Variants in SLIT3 observed in about 807,000 individuals in gnomAD.
The protein encoded by SLIT3 is slit homolog 3 protein.
A neutral mutation model predicts 184.0 loss-of-function variants in SLIT3; 68 were observed. The ratio of observed to expected loss-of-function variants is 0.37; its 90% CI spans 0.30 to 0.45. The LOEUF is 0.45. Among genes scored for constraint, SLIT3 ranks in the 20% least tolerant of loss-of-function variants. The probability of loss-of-function intolerance (pLI) is 1.00; values close to 1 mark genes in which losing one functional copy is unlikely to be tolerated. For missense variants in SLIT3, 1,707 were observed against 2,026.0 expected (o/e 0.84, Z 3.02); for synonymous variants, 831 against 828.6 (o/e 1.00, Z -0.05).
chr5:168,795,576 C>T lies in SLIT3; in HGVS notation c.938G>A (p.Arg313His), dbSNP rs201489623. ...ANLPEGIVEI[R>H]LEQNSIKAIP... ...GGCTTTGATGGAGTTCTGTTCTAGGCGTCTGGGAAACAGAGCAGAGAAGAG... is the reference window on the plus strand; with the variant it reads ...GGCTTTGATGGAGTTCTGTTCTAGGTGTCTGGGAAACAGAGCAGAGAAGAG... Residue 313 changes from arginine to histidine, a missense_variant and splice_region_variant, in exon 10 of 36, where the codon CGC becomes CAC. Physicochemically the swap from Arg to His is conservative, Grantham distance 29. Coordinates refer to ENST00000519560, the MANE Select transcript of SLIT3 (RefSeq NM_003062.4). The T allele has an allele frequency of 1.4e-5, 22 of 1,613,004 alleles. No homozygotes were observed. Among genetic ancestry groups the T allele is most frequent in the Non-Finnish European group, 1.4e-5 (17 of 1,179,018 alleles).
At chr5:169,207,341 T>TATC (rs1056363115) in intron 3 of SLIT3, among the ~76,000 whole-genome samples, 2 of 149,974 alleles carry the variant, frequency 1.3e-5, no homozygotes, top group Non-Finnish European at 3.0e-5. Context: ...TCTGGACCAC[T>TATC]ATCTTTCTCT....
chr5:169,242,992 T>A (rs1171734277), intron 3 of SLIT3, among the ~76,000 whole-genome samples: 3 of 152,070 alleles, frequency 2.0e-5, no homozygotes, highest in Non-Finnish European at 4.4e-5. Context: ...AACATCATCT[T>A]TCATGTCAGA....
chr5:168,856,840 C>T (rs13153624), intron 5 of SLIT3, among the ~76,000 whole-genome samples: 2 of 150,520 alleles, frequency 1.3e-5, no homozygotes, highest in Admixed American at 1.3e-4. Flanking sequence ...CAGACTGGTT[C>T]TCAGAGAAGG....
Position 169,118,576 on chromosome 5 carries a change from G to A in SLIT3, c.413+74903C>T, listed in dbSNP as rs547595133. ...ACCCATTGTTAACCCAGGAGAAAGC[G>A]GGCAAGGCAGTCTGTTCTGGTTCTG... On this transcript the variant is annotated intron_variant, in intron 4 of 35. Coordinates refer to ENST00000519560, the MANE Select transcript of SLIT3 (RefSeq NM_003062.4). Among the ~76,000 whole-genome samples, 16 of 152,304 alleles carry A rather than the reference G, an allele frequency of 1.1e-4. No individual in the cohort carries two copies. The East Asian group carries it at 1.2e-3, about 11-fold the overall frequency.
At chr5:168,875,783 A>G (rs1759710867) in intron 5 of SLIT3, among the ~76,000 whole-genome samples, 1 of 152,010 alleles carries the variant, frequency 6.6e-6, no homozygotes, top group South Asian at 2.1e-4. Flanking sequence ...GAAAAAAAGG[A>G]AGAAAGGAAG....
At position 168,800,704 on chromosome 5, in the gene SLIT3, A is replaced by G. The variant is rs371601271; in HGVS notation, c.936-5126T>C. ...GCATATCTGAGAAAAGCCATTCCCA[A>G]CCTGTGCTGTGTGTAGACACCTGGT... On this transcript the variant is annotated intron_variant, in intron 9 of 35. Transcript: ENST00000519560. Among the ~76,000 whole-genome samples, 3 of 152,240 alleles carry G rather than the reference A, an allele frequency of 2.0e-5. No individual in the cohort carries two copies. In the East Asian group the frequency reaches 5.8e-4, roughly 29 times the overall value.
At chr5:169,117,781 A>G (rs970173199) in intron 4 of SLIT3, among the ~76,000 whole-genome samples, 2 of 152,236 alleles carry the variant, frequency 1.3e-5, no homozygotes, top group South Asian at 2.1e-4. Context: ...TTTCTCCTAT[A>G]CAAGGTGAGT....
intron 14 of SLIT3, among the ~76,000 whole-genome samples, chr5:168,767,407 G>A (rs1165122548): frequency 6.6e-6 from 1 of 152,084 alleles, no homozygotes; most frequent in African/African-American, 2.4e-5. Flanking sequence ...AAAATAAGAG[G>A]TACCAAGATC....
At chr5:169,242,821 C>T (rs982696462) in intron 3 of SLIT3, among the ~76,000 whole-genome samples, 2 of 152,174 alleles carry the variant, frequency 1.3e-5, no homozygotes, top group African/African-American at 2.4e-5. Context: ...CCCAGACATG[C>T]ATGGGTATTT....
chr5:168,787,587 G>A (rs190824513), intron 11 of SLIT3, among the ~76,000 whole-genome samples: 4 of 152,044 alleles, frequency 2.6e-5, no homozygotes, highest in East Asian at 3.9e-4. Context: ...TCTTCATATC[G>A]CTTATCTTTA....
intron 23 of SLIT3, among the ~76,000 whole-genome samples, chr5:168,715,223 A>G (rs1051546048): frequency 5.9e-5 from 9 of 152,056 alleles, no homozygotes; most frequent in Admixed American, 1.3e-4. Flanking sequence ...GGTTTCTCAG[A>G]TATTTTGGTT....
chr5:169,177,718 T>C (rs1270051317), intron 4 of SLIT3, among the ~76,000 whole-genome samples: 1 of 151,874 alleles, frequency 6.6e-6, no homozygotes, highest in Non-Finnish European at 1.5e-5. Context: ...TGACTTTAGC[T>C]TTTTAACTTC....
In SLIT3 at chr5:168,746,623, G is replaced by A. The variant is rs1322555387; in HGVS notation, c.2270+1679C>T. On this transcript the variant is annotated intron_variant, in intron 20 of 35. Coordinates refer to ENST00000519560, the MANE Select transcript of SLIT3 (RefSeq NM_003062.4). The stretch of plus-strand genomic sequence containing the variant: ...TGGTGTGGGTGTGGTGTGTAGTATG[G>A]TGGTGTGGTGGTGTGTAGTGGTGTG... Among the ~76,000 whole-genome samples the A allele has an allele frequency of 1.1e-4, 14 of 123,542 alleles. 2 individuals are homozygous for A. The highest frequency in any genetic ancestry group is 5.6e-4 in the Admixed American group (7 of 12,420). The allele number at this position is 123,542 out of a possible 152,430, so 81.0% of individuals were successfully genotyped here. A position where few individuals can be genotyped will look rare whatever the true frequency, so the allele number is the denominator to read the frequency against.
intron 3 of SLIT3, among the ~76,000 whole-genome samples, chr5:169,237,302 G>C (rs1765235758): frequency 6.6e-6 from 1 of 152,120 alleles, no homozygotes; most frequent in African/African-American, 2.4e-5. Context: ...TATAGGTTTT[G>C]ATAAATGCAT....
chr5:169,275,612 G>T (rs1348489405), intron 1 of SLIT3, among the ~76,000 whole-genome samples: 2 of 152,152 alleles, frequency 1.3e-5, no homozygotes, highest in Non-Finnish European at 1.5e-5. Context: ...GAGGGTGAAA[G>T]GCACTTCTTA....
chr5:169,035,200 T>C (rs896056465), intron 4 of SLIT3, among the ~76,000 whole-genome samples: 1 of 152,088 alleles, frequency 6.6e-6, no homozygotes, highest in Non-Finnish European at 1.5e-5. Context: ...GAGAAGAACC[T>C]GGCCATAGTG....
At chr5:169,226,435 C>CT (rs1764812851) in intron 3 of SLIT3, among the ~76,000 whole-genome samples, 1 of 152,156 alleles carries the variant, frequency 6.6e-6, no homozygotes, top group Admixed American at 6.5e-5. Context: ...ACAAGAGTCC[C>CT]TGAAGGCCTA....
chr5:168,872,590 CTT>C (rs34444404), intron 5 of SLIT3, among the ~76,000 whole-genome samples: 1,910 of 140,260 alleles, frequency 0.014, 31 homozygotes, highest in African/African-American at 0.046. Flanking sequence ...AAATTAAAGT[CTT>C]TTTTTTTTTT....
rs200326897 is a variant in SLIT3 at position 169,093,514 on chromosome 5, CT to C, written c.413+99964del. Among the ~76,000 whole-genome samples, 957 of 152,256 alleles carry C rather than the reference CT, an allele frequency of 6.3e-3. 7 individuals carry two copies. The highest frequency in any genetic ancestry group is 0.022 in the African/African-American group (901 of 41,518). On this transcript the variant is annotated intron_variant, in intron 4 of 35. Transcript: ENST00000519560. ...CAGAAGCTGATTGGCCCAGGTCTGG[CT>C]TGTGCTGAGGGTCGAGTTGATCATT...
Sources: allele counts gnomAD v4.1 joint callset (sites outside exome capture counted in the v4.1 genomes callset), GRCh38; gene constraint gnomAD v4.1.1; transcripts MANE v1.5; gene names NCBI Gene and HGNC (gene_info 2026-07-23, HGNC 2026-07-21).